Variants in LRRTM4 observed in about 807,000 individuals in gnomAD.
LRRTM4 encodes leucine-rich repeat transmembrane neuronal protein 4.
Under a neutral mutation model 47.6 loss-of-function variants are expected in LRRTM4, and 25 were observed. That is an observed-to-expected ratio of 0.53 (90% confidence interval 0.38 to 0.73). The LOEUF (loss-of-function observed/expected upper bound fraction) is 0.73, where lower values mean the gene tolerates loss of function less well. Ranked by LOEUF, LRRTM4 falls within the 30% of genes least tolerant of loss-of-function variation. The probability of loss-of-function intolerance (pLI) is 0.00; values close to 1 mark genes in which losing one functional copy is unlikely to be tolerated. For synonymous variants in LRRTM4, 311 were observed against 269.5 expected (o/e 1.15, Z -1.51); for missense variants, 638 against 713.4 (o/e 0.89, Z 1.20).
intron 3 of LRRTM4, among the ~76,000 whole-genome samples, chr2:76,773,846 G>T (rs1301339004): frequency 6.6e-6 from 1 of 151,446 alleles, no homozygotes; most frequent in Non-Finnish European, 1.5e-5. Flanking sequence ...ACGAATAATG[G>T]TAGCAGAGGT....
intron 3 of LRRTM4, among the ~76,000 whole-genome samples, chr2:76,986,463 CT>C (rs1676798992): frequency 6.6e-6 from 1 of 151,824 alleles, no homozygotes; most frequent in African/African-American, 2.4e-5. Flanking sequence ...AGGTCTTTTC[CT>C]TTTTGGAGGT....
chr2:76,792,673 T>G (rs907967714), intron 3 of LRRTM4, among the ~76,000 whole-genome samples: 3 of 151,084 alleles, frequency 2.0e-5, no homozygotes, highest in African/African-American at 7.4e-5. Context: ...GAATACTAGA[T>G]GAAGACCCTC....
chr2:77,198,806 A>C (rs1394194798), intron 3 of LRRTM4, among the ~76,000 whole-genome samples: 1 of 152,192 alleles, frequency 6.6e-6, no homozygotes, highest in African/African-American at 2.4e-5. Flanking sequence ...TTGCCTACTT[A>C]GGCAAACAGA....
intron 3 of LRRTM4, among the ~76,000 whole-genome samples, chr2:77,251,119 A>T (rs1243615740): frequency 6.8e-6 from 1 of 146,042 alleles, no homozygotes; most frequent in Non-Finnish European, 1.5e-5. Context: ...AAAAAAATAT[A>T]TATACACACA....
chr2:77,394,274 C>G (rs1256851181), intron 3 of LRRTM4, among the ~76,000 whole-genome samples: 1 of 151,854 alleles, frequency 6.6e-6, no homozygotes. Context: ...GGTTTTAATG[C>G]AGGAAAAGAA....
intron 3 of LRRTM4, chr2:77,516,905 T>C (rs2104118797): frequency 1.0e-6 from 1 of 984,752 alleles, no homozygotes. Flanking sequence ...TATGGAAAAA[T>C]TGGAGTATAT....
chr2:77,066,375 A>G (rs779987389), intron 3 of LRRTM4, among the ~76,000 whole-genome samples: 14 of 152,228 alleles, frequency 9.2e-5, no homozygotes, highest in Non-Finnish European at 1.5e-4. Flanking sequence ...TTGTAAAAAC[A>G]AAAAGACTAA....
At chr2:77,319,987 G>C (rs1324596733) in intron 3 of LRRTM4, among the ~76,000 whole-genome samples, 1 of 152,122 alleles carries the variant, frequency 6.6e-6, no homozygotes, top group Non-Finnish European at 1.5e-5. Flanking sequence ...TCAATAAACA[G>C]TGAAAAAGAA....
intron 3 of LRRTM4, among the ~76,000 whole-genome samples, chr2:77,015,729 G>GAA: frequency 1.3e-5 from 2 of 152,104 alleles, no homozygotes; most frequent in East Asian, 3.9e-4. Context: ...GAAGTGGATA[G>GAA]AAAAAAGGGG....
At chr2:77,173,764 A>C (rs570126997) in intron 3 of LRRTM4, among the ~76,000 whole-genome samples, 1 of 152,012 alleles carries the variant, frequency 6.6e-6, no homozygotes, top group East Asian at 1.9e-4. Flanking sequence ...CACAGCCTCC[A>C]CGCCCCCACA....
At chr2:77,029,127 C>G (rs925784308) in intron 3 of LRRTM4, among the ~76,000 whole-genome samples, 1 of 148,658 alleles carries the variant, frequency 6.7e-6, no homozygotes, top group African/African-American at 2.5e-5. Context: ...CCTTTGCAGA[C>G]AGTAGAATCT....
intron 3 of LRRTM4, among the ~76,000 whole-genome samples, chr2:76,862,732 G>C (rs1672355202): frequency 6.6e-6 from 1 of 152,130 alleles, no homozygotes; most frequent in Non-Finnish European, 1.5e-5. Flanking sequence ...CTGTTAAACT[G>C]GATTTTGTTG....
chr2:76,886,123 A>T (rs1673069350), intron 3 of LRRTM4, among the ~76,000 whole-genome samples: 2 of 152,242 alleles, frequency 1.3e-5, no homozygotes, highest in Admixed American at 6.5e-5. Flanking sequence ...AGCAAGGTAA[A>T]GAAAAGCAAA....
intron 3 of LRRTM4, among the ~76,000 whole-genome samples, chr2:77,206,961 T>C (rs945032892): frequency 5.3e-5 from 8 of 151,896 alleles, no homozygotes; most frequent in Middle Eastern, 3.4e-3. Flanking sequence ...TCTCCTACAA[T>C]AACTCCATCT....
intron 3 of LRRTM4, among the ~76,000 whole-genome samples, chr2:77,129,491 T>A (rs1671739223): frequency 6.6e-6 from 1 of 152,192 alleles, no homozygotes. Context: ...CACTTTGTCT[T>A]CAGAAAAGGG....
chr2:77,386,972 CT>C (rs762456727), intron 3 of LRRTM4, among the ~76,000 whole-genome samples: 16 of 152,086 alleles, frequency 1.1e-4, no homozygotes, highest in Non-Finnish European at 2.4e-4. Context: ...ATTACATTCA[CT>C]CAATTTTAAG....
At chr2:76,938,271 T>A (rs1675025192) in intron 3 of LRRTM4, among the ~76,000 whole-genome samples, 1 of 152,138 alleles carries the variant, frequency 6.6e-6, no homozygotes, top group African/African-American at 2.4e-5. Context: ...AATGCATCAT[T>A]TGGTCCTAAC....
intron 3 of LRRTM4, among the ~76,000 whole-genome samples, chr2:77,364,176 A>C (rs1369867333): frequency 2.0e-5 from 3 of 151,852 alleles, no homozygotes; most frequent in Non-Finnish European, 4.4e-5. Context: ...TGTTTGTATG[A>C]ATATTTGCAT....
intron 3 of LRRTM4, among the ~76,000 whole-genome samples, chr2:77,254,628 G>C (rs1162217330): frequency 2.0e-5 from 3 of 151,668 alleles, no homozygotes; most frequent in African/African-American, 7.3e-5. Flanking sequence ...AATGTAAAGA[G>C]AATAAATTTA....
Sources: gnomAD v4.1 joint callset for allele counts (sites outside exome capture counted in the v4.1 genomes callset) on GRCh38, gnomAD v4.1.1 for gene constraint, MANE v1.5 for transcripts, NCBI Gene and HGNC (gene_info 2026-07-23, HGNC 2026-07-21) for gene names.